Variants in SRGAP2B observed in about 807,000 individuals in gnomAD.
The protein encoded by SRGAP2B is SLIT-ROBO Rho GTPase-activating protein 2B.
In SRGAP2B, 9 loss-of-function variants were observed where a neutral mutation model predicts 22.2. That is an observed-to-expected ratio of 0.41 (90% CI 0.24 to 0.71). SRGAP2B has a LOEUF of 0.71. Among genes scored for constraint, SRGAP2B ranks in the 30% least tolerant of loss-of-function variants. SRGAP2B has a pLI of 0.35. For missense variants in SRGAP2B, 114 were observed against 235.8 expected, an observed-to-expected ratio of 0.48 and a Z score of 3.38; for synonymous variants, 36 against 87.4, an observed-to-expected ratio of 0.41 and a Z score of 3.28.
chr1:144,929,404 A>G (rs1480629529), intron 4 of SRGAP2B, among the ~76,000 whole-genome samples: 3 of 150,214 alleles, frequency 2.0e-5, no homozygotes, highest in Non-Finnish European at 4.4e-5. Flanking sequence ...GAAGACTTAC[A>G]CCTATATTTT....
intron 5 of SRGAP2B, among the ~76,000 whole-genome samples, chr1:144,908,818 GTATATCTA>G (rs1225652296): frequency 3.0e-5 from 4 of 135,502 alleles, no homozygotes; most frequent in African/African-American, 8.7e-5. Flanking sequence ...GTAAATATAT[GTATATCTA>G]TATATCTATG....
intron 2 of SRGAP2B, among the ~76,000 whole-genome samples, chr1:144,999,867 T>C (rs1174558759): frequency 9.7e-5 from 14 of 143,912 alleles, no homozygotes; most frequent in Non-Finnish European, 1.8e-4. Context: ...ATTAAGATAG[T>C]GATGATTGTT....
At chr1:144,930,606 G>A (rs1311130052) in intron 4 of SRGAP2B, among the ~76,000 whole-genome samples, 1 of 150,736 alleles carries the variant, frequency 6.6e-6, no homozygotes, top group East Asian at 1.9e-4. Flanking sequence ...TCTAGTTCGT[G>A]AGACATGTGA....
intron 2 of SRGAP2B, among the ~76,000 whole-genome samples, chr1:145,014,995 G>T (rs1672315566): frequency 9.7e-6 from 1 of 103,272 alleles, no homozygotes. Context: ...ACATAAATTT[G>T]CTTTATAATA....
At chr1:145,026,674 G>C (rs1357829785) in intron 2 of SRGAP2B, among the ~76,000 whole-genome samples, 2 of 151,658 alleles carry the variant, frequency 1.3e-5, no homozygotes, top group African/African-American at 2.4e-5. Flanking sequence ...CCCCTTTGCA[G>C]TCCTCAGTGC....
intron 3 of SRGAP2B, among the ~76,000 whole-genome samples, chr1:144,971,314 A>G (rs1668499632): frequency 1.3e-5 from 2 of 149,268 alleles, no homozygotes; most frequent in South Asian, 4.2e-4. Context: ...GTTTTTTAGT[A>G]GAGACAGGGT....
intron 4 of SRGAP2B, among the ~76,000 whole-genome samples, chr1:144,920,647 C>T (rs1317199778): frequency 7.4e-5 from 11 of 149,270 alleles, no homozygotes; most frequent in African/African-American, 2.8e-4. Context: ...GATCCCTCCA[C>T]CTCAGCCTCT....
chr1:145,081,389 G>A lies in SRGAP2B; in HGVS notation c.67+11446C>T, dbSNP rs1307286380. ...TCCCATCTTACAGGGATTTTATAGG[G>A]AAACTAGGGATTTTGAGACCTTAGG... is the stretch of plus-strand genomic sequence containing the variant. On this transcript the variant is annotated intron_variant, in intron 2 of 9. Coordinates refer to ENST00000612199, the Ensembl canonical transcript of SRGAP2B. 3.3e-5 allele frequency among the ~76,000 whole-genome samples: 5 copies of A among 150,620 alleles called. No individual in the cohort carries two copies. The East Asian group carries it at 9.7e-4, about 29-fold the overall frequency.
At chr1:144,996,302 C>T (rs1384576164) in intron 2 of SRGAP2B, among the ~76,000 whole-genome samples, 2 of 146,960 alleles carry the variant, frequency 1.4e-5, no homozygotes, top group African/African-American at 5.2e-5. Context: ...TTCATCTTTT[C>T]CCTCTGCAAG....
chr1:144,966,444 C>T (rs1241677411), intron 3 of SRGAP2B, among the ~76,000 whole-genome samples: 1 of 147,126 alleles, frequency 6.8e-6, no homozygotes, highest in Non-Finnish European at 1.5e-5. Flanking sequence ...CAAATGCTGA[C>T]CGATTTTGTC....
At position 144,925,727 on chromosome 1, in the gene SRGAP2B, AAAAGAAAGAAAGAAAGAAAGAAAG is replaced by A. The variant is rs202130146; in HGVS notation, c.424-10997_424-10974del. On this transcript the variant is annotated intron_variant, in intron 4 of 9. Coordinates refer to ENST00000612199, the Ensembl canonical transcript of SRGAP2B. The stretch of plus-strand genomic sequence containing the variant: ...GAGAGAAAGAGAGAGAGAGAGAAAG[AAAAGAAAGAAAGAAAGAAAGAAAG>A]AAAGAAAGAAAGAAAGAAAGAAAGA... Among the ~76,000 whole-genome samples the A allele has an allele frequency of 1.2e-3, 124 of 104,204 alleles. No homozygotes were observed. In the East Asian group the frequency reaches 0.024, roughly 20 times the overall value. 68.4% of individuals were successfully genotyped at this position (104,204 alleles called of 152,430 possible).
intron 4 of SRGAP2B, among the ~76,000 whole-genome samples, chr1:144,954,939 C>T (rs1315592298): frequency 8.0e-5 from 12 of 150,226 alleles, no homozygotes; most frequent in African/African-American, 2.8e-4. Flanking sequence ...TATGAGTTTG[C>T]TAAATGAACT....
intron 5 of SRGAP2B, among the ~76,000 whole-genome samples, chr1:144,911,855 A>C (rs1194777320): frequency 7.3e-6 from 1 of 136,400 alleles, no homozygotes; most frequent in Non-Finnish European, 1.6e-5. Context: ...TCCTGACCTC[A>C]TGATCCGCCC....
Position 145,068,892 on chromosome 1 carries a change from A to AATGT in SRGAP2B, c.67+23939_67+23942dup, listed in dbSNP as rs1348874110. On this transcript the variant is annotated intron_variant, in intron 2 of 9. Coordinates refer to ENST00000612199, the Ensembl canonical transcript of SRGAP2B. ...TTCTGGGAGATCCTAAATAAGGTAA[A>AATGT]ATGTGTGTGTGTGTGTGTGTGTGTG... 1.5e-3 allele frequency among the ~76,000 whole-genome samples: 173 copies of AATGT among 115,172 alleles called. 2 individuals are homozygous for AATGT. The highest frequency in any genetic ancestry group is 6.5e-3 in the African/African-American group (167 of 25,722). The allele number at this position is 115,172 out of a possible 152,430, so 75.6% of individuals were successfully genotyped here.
At chr1:145,001,883 G>T (rs1326914856) in intron 2 of SRGAP2B, among the ~76,000 whole-genome samples, 2 of 149,828 alleles carry the variant, frequency 1.3e-5, no homozygotes, top group African/African-American at 5.0e-5. Context: ...GTTAGCTGGG[G>T]GGGTGGTGCA....
At chr1:145,063,586 C>T (rs1266695776) in intron 2 of SRGAP2B, among the ~76,000 whole-genome samples, 3 of 150,774 alleles carry the variant, frequency 2.0e-5, no homozygotes, top group Non-Finnish European at 2.9e-5. Flanking sequence ...AAGATACAAG[C>T]TGCAAAGAGG....
chr1:144,970,621 C>A, intron 3 of SRGAP2B, among the ~76,000 whole-genome samples: 6 of 77,950 alleles, frequency 7.7e-5, no homozygotes, highest in South Asian at 6.2e-4. Flanking sequence ...ACAATGTGCA[C>A]ATGTACCCTA....
chr1:144,929,700 G>C (rs1251830835), intron 4 of SRGAP2B, among the ~76,000 whole-genome samples: 14 of 151,098 alleles, frequency 9.3e-5, no homozygotes, highest in Non-Finnish European at 1.5e-4. Context: ...TTAGGTCTAG[G>C]ATGATAGTAT....
At chr1:144,966,141 C>T (rs868936003) in intron 3 of SRGAP2B, among the ~76,000 whole-genome samples, 10 of 148,086 alleles carry the variant, frequency 6.8e-5, no homozygotes, top group Non-Finnish European at 7.4e-5. Context: ...ATACAGAGAA[C>T]GCCACAAAGA....
Sources: gnomAD v4.1 joint callset for allele counts (sites outside exome capture counted in the v4.1 genomes callset) on GRCh38, gnomAD v4.1.1 for gene constraint, MANE v1.5 for transcripts, NCBI Gene and HGNC (gene_info 2026-07-23, HGNC 2026-07-21) for gene names.